Variants in UIMC1 observed in about 807,000 individuals in gnomAD.
The protein encoded by UIMC1 is ubiquitin interaction motif containing 1.
UIMC1 carries 42 observed loss-of-function variants against 84.9 expected under a neutral mutation model. The ratio of observed to expected loss-of-function variants is 0.49; its 90% CI spans 0.39 to 0.64. The LOEUF (loss-of-function observed/expected upper bound fraction) is 0.64, where lower values mean the gene tolerates loss of function less well. Among genes scored for constraint, UIMC1 ranks in the 30% least tolerant of loss-of-function variants. The probability of loss-of-function intolerance (pLI) is 0.00; values close to 1 mark genes in which losing one functional copy is unlikely to be tolerated. For synonymous variants in UIMC1, 281 were observed against 293.0 expected (o/e 0.96, Z 0.42); for missense variants, 825 against 847.6 (o/e 0.97, Z 0.33).
chr5:176,997,677 T>C (rs1773810953), intron 1 of UIMC1, among the ~76,000 whole-genome samples: 1 of 70,554 alleles, frequency 1.4e-5, no homozygotes, highest in Admixed American at 1.6e-4. Context: ...AGAGCGAGAC[T>C]CTGTCTCAAA....
chr5:176,979,201 A>G (rs1039850519), intron 2 of UIMC1, among the ~76,000 whole-genome samples: 6 of 152,246 alleles, frequency 3.9e-5, no homozygotes, highest in East Asian at 1.9e-4. Context: ...GTGTTGGTAG[A>G]TATGTCTAAT....
At chr5:176,920,815 G>A (rs754572693) in intron 10 of UIMC1, among the ~76,000 whole-genome samples, 7 of 152,094 alleles carry the variant, frequency 4.6e-5, no homozygotes, top group South Asian at 2.1e-4. Context: ...CCTTTACCAC[G>A]TTGAATGGAA....
Position 176,943,364 on chromosome 5 carries a change from T to C in UIMC1, c.1568A>G (p.Tyr523Cys), listed in dbSNP as rs376146321. 1.3e-5 allele frequency: 21 copies of C among 1,614,006 alleles called. No individual in the cohort carries two copies. In the African/African-American group the frequency reaches 2.7e-4, roughly 21 times the overall value. ...ATCTTCCTCCATCAGACCATTGCAGTACATGGCATGTCGTTCAATCTTTGT... is the reference window on the plus strand; with the variant it reads ...ATCTTCCTCCATCAGACCATTGCAGCACATGGCATGTCGTTCAATCTTTGT... ...PPTKIERHAM[Y>C]CNGLMEEDTV... The change falls in exon 10 of 15, where the codon TAC becomes TGC. Residue 523 changes from tyrosine to cysteine, a missense_variant. By Grantham distance (194) the Tyr-to-Cys change is radical. Transcript: ENST00000511320.
At chr5:177,003,194 C>T (rs928874963) in intron 1 of UIMC1, among the ~76,000 whole-genome samples, 4 of 152,020 alleles carry the variant, frequency 2.6e-5, no homozygotes, top group Non-Finnish European at 5.9e-5. Flanking sequence ...TAGGTAAATG[C>T]ATACCCACAC....
At chr5:176,906,979 T>TTC in intron 13 of UIMC1, 135 bp downstream of exon 13, 1 of 781,752 alleles carries the variant, frequency 1.3e-6, no homozygotes. Flanking sequence ...TGACCTAGAT[T>TTC]GAGTCTCAAA....
chr5:176,987,169 A>C (rs1210850189), intron 1 of UIMC1, among the ~76,000 whole-genome samples: 1 of 152,132 alleles, frequency 6.6e-6, no homozygotes, highest in Non-Finnish European at 1.5e-5. Context: ...GCAGTGACCC[A>C]AGATCGTGCC....
chr5:176,907,700 T>C (rs1399736488), intron 12 of UIMC1, among the ~76,000 whole-genome samples: 6 of 152,246 alleles, frequency 3.9e-5, no homozygotes, highest in Non-Finnish European at 7.3e-5. Context: ...TCCTTCCCAG[T>C]GACCAGGGCC....
chr5:176,925,049 A>C (rs1247266494), intron 10 of UIMC1, among the ~76,000 whole-genome samples: 1 of 151,424 alleles, frequency 6.6e-6, no homozygotes, highest in Non-Finnish European at 1.5e-5. Context: ...AAAAAAAAAG[A>C]AAGCAAAAGA....
intron 10 of UIMC1, among the ~76,000 whole-genome samples, chr5:176,939,225 C>G (rs950457447): frequency 6.7e-6 from 1 of 148,284 alleles, no homozygotes; most frequent in African/African-American, 2.5e-5. Flanking sequence ...TCACTGTAAT[C>G]CAGCCTGGGT....
At chr5:176,987,884 C>G (rs972442073) in intron 1 of UIMC1, among the ~76,000 whole-genome samples, 1 of 151,342 alleles carries the variant, frequency 6.6e-6, no homozygotes, top group African/African-American at 2.4e-5. Context: ...AATCCCAAAA[C>G]TCTGAGAGGC....
At chr5:176,923,900 GACAC>G (rs35583665) in intron 10 of UIMC1, among the ~76,000 whole-genome samples, 24,113 of 145,514 alleles carry the variant, frequency 0.17, 2,057 homozygotes, top group East Asian at 0.2. Flanking sequence ...CACACACACA[GACAC>G]ACACACACAC....
intron 2 of UIMC1, among the ~76,000 whole-genome samples, chr5:176,978,369 T>C (rs1770486688): frequency 1.3e-5 from 2 of 151,986 alleles, no homozygotes; most frequent in Admixed American, 1.3e-4. Flanking sequence ...CGAGACTCTG[T>C]CTCAAAAAAA....
At chr5:176,968,426 A>T (rs1454710546) in intron 6 of UIMC1, 129 bp downstream of exon 6, 14 of 1,337,840 alleles carry the variant, frequency 1.0e-5, no homozygotes. Flanking sequence ...GTACTTTCCT[A>T]ATTTTCTATA....
At chr5:176,937,830 C>T (rs918670151) in intron 10 of UIMC1, among the ~76,000 whole-genome samples, 11 of 152,234 alleles carry the variant, frequency 7.2e-5, no homozygotes, top group African/African-American at 2.6e-4. Flanking sequence ...TGGGAGGTTA[C>T]GTCCTCTCTT....
At chr5:177,017,482 G>A (rs1277699751) in intron 1 of UIMC1, among the ~76,000 whole-genome samples, 1 of 152,032 alleles carries the variant, frequency 6.6e-6, no homozygotes, top group East Asian at 1.9e-4. Context: ...CCGTCTCCTG[G>A]GTTCAAGCAA....
chr5:177,021,235 G>A (rs1369332462), intron 1 of UIMC1, among the ~76,000 whole-genome samples: 3 of 152,090 alleles, frequency 2.0e-5, no homozygotes, highest in Non-Finnish European at 2.9e-5. Context: ...CCGAGATCGC[G>A]TCACTGCACT....
intron 3 of UIMC1, 98 bp downstream of exon 3, chr5:176,975,298 C>A: frequency 1.7e-6 from 2 of 1,191,876 alleles, no homozygotes; most frequent in Non-Finnish European, 2.4e-6. Flanking sequence ...TTGAATCTAT[C>A]AGAGACCTAA....
At chr5:176,956,092 C>A (rs775517359) in intron 7 of UIMC1, 57 bp from the exon 8 acceptor site, 13 of 1,561,132 alleles carry the variant, frequency 8.3e-6, no homozygotes, top group Admixed American at 1.7e-5. Flanking sequence ...GAACATAGAG[C>A]CAAAAGCAAT....
chr5:176,971,026 T>TGTTG (rs1769124035), intron 3 of UIMC1, among the ~76,000 whole-genome samples, 160 bp from the exon 4 acceptor site: 1 of 152,124 alleles, frequency 6.6e-6, no homozygotes, highest in Admixed American at 6.5e-5. Context: ...GAAGGAAAGG[T>TGTTG]GTTGGCCAAG....
Sources: allele counts gnomAD v4.1 joint callset (sites outside exome capture counted in the v4.1 genomes callset), GRCh38; gene constraint gnomAD v4.1.1; transcripts MANE v1.5; gene names NCBI Gene and HGNC (gene_info 2026-07-23, HGNC 2026-07-21).